The following FOXP2 variants were observed in gnomAD, a reference collection of about 807,000 sequenced individuals.
FOXP2 encodes the protein forkhead box P2.
FOXP2 carries 12 observed loss-of-function variants against 115.8 expected under a neutral mutation model. The ratio of observed to expected loss-of-function variants is 0.10; its 90% CI spans 0.07 to 0.17. The LOEUF (loss-of-function observed/expected upper bound fraction) is 0.17, where lower values mean the gene tolerates loss of function less well. Among genes scored for constraint, FOXP2 ranks in the 10% least tolerant of loss-of-function variants. FOXP2 has a pLI of 1.00. For synonymous variants in FOXP2, 328 were observed against 297.7 expected (o/e 1.10, Z -1.05); for missense variants, 629 against 843.5 (o/e 0.75, Z 3.15).
At chr7:114,210,602 G>A (rs1794320556) in intron 1 of FOXP2, among the ~76,000 whole-genome samples, 1 of 152,170 alleles carries the variant, frequency 6.6e-6, no homozygotes, top group Non-Finnish European at 1.5e-5. Context: ...CCCCTGTTCG[G>A]AGGTCTCACC....
At chr7:114,652,422 AT>A in intron 9 of FOXP2, 132 bp downstream of exon 9, 1 of 778,098 alleles carries the variant, frequency 1.3e-6, no homozygotes, top group Non-Finnish European at 2.2e-6. Context: ...GATACATGAT[AT>A]TTTAGATTGT....
At chr7:114,359,117 G>A (rs1335069646) in intron 2 of FOXP2, among the ~76,000 whole-genome samples, 3 of 152,174 alleles carry the variant, frequency 2.0e-5, no homozygotes, top group African/African-American at 7.2e-5. Flanking sequence ...CTGCTTTTTG[G>A]AGTCTGGGGA....
intron 2 of FOXP2, among the ~76,000 whole-genome samples, chr7:114,517,128 G>A (rs540846026): frequency 6.9e-4 from 104 of 151,498 alleles, no homozygotes; most frequent in African/African-American, 2.5e-3. Context: ...TTATATACCT[G>A]TTGGTCATGT....
chr7:114,265,058 C>A (rs1795862517), intron 1 of FOXP2, among the ~76,000 whole-genome samples: 2 of 152,098 alleles, frequency 1.3e-5, no homozygotes, highest in Non-Finnish European at 2.9e-5. Flanking sequence ...TGCCCCGGCC[C>A]CTCCCAAATC....
intron 1 of FOXP2, among the ~76,000 whole-genome samples, chr7:114,200,046 T>C (rs1044590238): frequency 3.3e-5 from 5 of 152,224 alleles, no homozygotes; most frequent in Admixed American, 2.6e-4. Flanking sequence ...TGTAATCTAC[T>C]TTTCCTTCAC....
chr7:114,554,095 TA>T (rs1339557843), intron 3 of FOXP2, among the ~76,000 whole-genome samples: 1 of 152,144 alleles, frequency 6.6e-6, no homozygotes, highest in Admixed American at 6.5e-5. Context: ...TATTTGGTAT[TA>T]TGCTTATTCC....
intron 1 of FOXP2, among the ~76,000 whole-genome samples, chr7:114,276,658 T>G (rs1796197010): frequency 6.6e-6 from 1 of 152,130 alleles, no homozygotes; most frequent in Non-Finnish European, 1.5e-5. Flanking sequence ...ACAGCTCAGG[T>G]TTTCCTGTTC....
At chr7:114,624,544 A>T (rs866264095) in intron 3 of FOXP2, among the ~76,000 whole-genome samples, 1 of 151,850 alleles carries the variant, frequency 6.6e-6, no homozygotes, top group Non-Finnish European at 1.5e-5. Context: ...TAAGGGACGC[A>T]CTTAATATGC....
chr7:114,200,321 G>C (rs1352720009), intron 1 of FOXP2, among the ~76,000 whole-genome samples: 1 of 151,930 alleles, frequency 6.6e-6, no homozygotes, highest in Non-Finnish European at 1.5e-5. Context: ...TCTTTTTTTT[G>C]AGTCATGATC....
intron 2 of FOXP2, among the ~76,000 whole-genome samples, chr7:114,299,316 T>C (rs1269887055): frequency 2.6e-5 from 4 of 151,966 alleles, no homozygotes; most frequent in African/African-American, 9.7e-5. Context: ...CCAACATCCT[T>C]TCTTCTCTTT....
Position 114,381,604 on chromosome 7 carries a change from T to A in FOXP2, c.-10-44898T>A, listed in dbSNP as rs966238708. On this transcript the variant is annotated intron_variant, in intron 2 of 17. Transcript: ENST00000634411. Reference sequence around the variant, plus strand: ...AAAATGCATCCTTAAGGTCCAGGACTGTAAACCACTCTGCTTCCTCTGGTA... The same window carrying A: ...AAAATGCATCCTTAAGGTCCAGGACAGTAAACCACTCTGCTTCCTCTGGTA... Among the ~76,000 whole-genome samples the A allele has an allele frequency of 7.2e-5, 11 of 152,192 alleles. 1 individual carries two copies. Among genetic ancestry groups the A allele is most frequent in the African/African-American group, 2.7e-4 (11 of 41,442 alleles).
chr7:114,220,871 A>G (rs1332334947), intron 1 of FOXP2, among the ~76,000 whole-genome samples: 1 of 152,204 alleles, frequency 6.6e-6, no homozygotes, highest in Non-Finnish European at 1.5e-5. Flanking sequence ...CTTTTAGACT[A>G]AAAGAAAACT....
chr7:114,297,183 C>G, intron 2 of FOXP2: 1 of 494,482 alleles, frequency 2.0e-6, no homozygotes, highest in Non-Finnish European at 4.0e-6. Flanking sequence ...TTCCTCTTGG[C>G]GTGGATGTGT....
chr7:114,153,269 G>A (rs1792573024), intron 1 of FOXP2, among the ~76,000 whole-genome samples: 1 of 152,088 alleles, frequency 6.6e-6, no homozygotes, highest in Non-Finnish European at 1.5e-5. Context: ...CTCAGGATTT[G>A]CAAAATGACA....
intron 1 of FOXP2, among the ~76,000 whole-genome samples, chr7:114,168,879 A>T (rs1793056945): frequency 6.6e-6 from 1 of 152,200 alleles, no homozygotes; most frequent in Non-Finnish European, 1.5e-5. Context: ...CAGCCACTCC[A>T]GCCATAGCTG....
chr7:114,271,539 A>T (rs1796040075), intron 1 of FOXP2, among the ~76,000 whole-genome samples: 1 of 130,040 alleles, frequency 7.7e-6, no homozygotes, highest in African/African-American at 2.9e-5. Context: ...TTATATTATT[A>T]TAATTATATT....
chr7:114,475,820 T>G (rs944177510), intron 2 of FOXP2, among the ~76,000 whole-genome samples: 1 of 151,942 alleles, frequency 6.6e-6, no homozygotes, highest in Non-Finnish European at 1.5e-5. Flanking sequence ...GAAACTAATA[T>G]CTATATCTAT....
intron 10 of FOXP2, among the ~76,000 whole-genome samples, chr7:114,656,232 A>G (rs1244971485): frequency 2.0e-5 from 3 of 151,968 alleles, no homozygotes; most frequent in Non-Finnish European, 2.9e-5. Context: ...TTGATTTGCA[A>G]TTTGGTATTT....
At chr7:114,186,294 T>C (rs1337545114) in intron 1 of FOXP2, among the ~76,000 whole-genome samples, 4 of 152,228 alleles carry the variant, frequency 2.6e-5, no homozygotes, top group East Asian at 1.9e-4. Flanking sequence ...GTTTCACATA[T>C]GGGTGAGACT....
Sources: gnomAD v4.1 joint callset for allele counts (sites outside exome capture counted in the v4.1 genomes callset) on GRCh38, gnomAD v4.1.1 for gene constraint, MANE v1.5 for transcripts, NCBI Gene and HGNC (gene_info 2026-07-23, HGNC 2026-07-21) for gene names.